The following EFCAB13 variants were observed in gnomAD, a reference collection of about 807,000 sequenced individuals.
EFCAB13 encodes EF-hand calcium binding domain 13.
EFCAB13 carries 91 observed loss-of-function variants against 110.2 expected under a neutral mutation model. The observed-to-expected ratio is 0.83, with a 90% CI of 0.70 to 0.98. EFCAB13 has a LOEUF of 0.98. Among genes scored for constraint, EFCAB13 ranks in the 50% least tolerant of loss-of-function variants. The probability of loss-of-function intolerance (pLI) is 0.00; values close to 1 mark genes in which losing one functional copy is unlikely to be tolerated. For synonymous variants in EFCAB13, 323 were observed against 369.9 expected (o/e 0.87, Z 1.45); for missense variants, 968 against 1,119.4 (o/e 0.86, Z 1.93).
At chr17:47,407,593 A>G (rs989407268) in intron 20 of EFCAB13, among the ~76,000 whole-genome samples, 2 of 152,204 alleles carry the variant, frequency 1.3e-5, no homozygotes, top group African/African-American at 4.8e-5. Flanking sequence ...GACAAAGACA[A>G]AAATCCAGAT....
intron 17 of EFCAB13, among the ~76,000 whole-genome samples, chr17:47,398,299 C>T (rs1413759368): frequency 6.1e-5 from 9 of 148,576 alleles, no homozygotes; most frequent in South Asian, 2.2e-4. Context: ...CGCCTCTGCC[C>T]GGCCGCCCCT....
chr17:47,344,606 A>G (rs2065405110), intron 7 of EFCAB13, among the ~76,000 whole-genome samples: 1 of 152,140 alleles, frequency 6.6e-6, no homozygotes, highest in African/African-American at 2.4e-5. Context: ...TCAGCAATTT[A>G]CATGTTATAG....
chr17:47,326,106 C>T (rs1409671705), intron 2 of EFCAB13, 120 bp from the exon 3 acceptor site: 3 of 151,682 alleles, frequency 2.0e-5, no homozygotes, highest in East Asian at 1.9e-4. Context: ...CGACTCCCTC[C>T]ATTTCTCTTG....
At chr17:47,396,100 C>A in intron 17 of EFCAB13, 123 bp downstream of exon 17, 1 of 701,844 alleles carries the variant, frequency 1.4e-6, no homozygotes, top group Non-Finnish European at 2.2e-6. Flanking sequence ...GAAATGCCAA[C>A]ATATGCATTT....
At chr17:47,422,491 C>T (rs533732510) in intron 23 of EFCAB13, among the ~76,000 whole-genome samples, 16 of 152,220 alleles carry the variant, frequency 1.1e-4, no homozygotes, top group African/African-American at 3.8e-4. Flanking sequence ...AAATATGAAT[C>T]TATACACTGG....
At chr17:47,397,986 C>A (rs1434439492) in intron 17 of EFCAB13, among the ~76,000 whole-genome samples, 11 of 147,432 alleles carry the variant, frequency 7.5e-5, no homozygotes, top group African/African-American at 2.8e-4. Flanking sequence ...GCCCCCCGCC[C>A]GGCCAGCCGC....
chr17:47,339,850 T>TA (rs1301259533), intron 5 of EFCAB13: 1 of 152,136 alleles, frequency 6.6e-6, no homozygotes, highest in Admixed American at 6.5e-5. Context: ...CATTTCTTAT[T>TA]AAAAGGCTGT....
intron 8 of EFCAB13, among the ~76,000 whole-genome samples, chr17:47,346,332 A>G (rs2065415511): frequency 6.6e-6 from 1 of 151,936 alleles, no homozygotes; most frequent in Non-Finnish European, 1.5e-5. Context: ...TATTTCACTT[A>G]GCATAATGTC....
intron 17 of EFCAB13, among the ~76,000 whole-genome samples, chr17:47,400,166 C>G (rs936706104): frequency 2.6e-5 from 4 of 152,164 alleles, no homozygotes; most frequent in African/African-American, 9.7e-5. Context: ...ACTTTGTTTT[C>G]TTTTCGGCTT....
At chr17:47,382,340 C>T (rs893999049) in intron 14 of EFCAB13, among the ~76,000 whole-genome samples, 3 of 152,144 alleles carry the variant, frequency 2.0e-5, no homozygotes, top group South Asian at 2.1e-4. Flanking sequence ...TATGTGAATA[C>T]GCTTTATTTC....
At chr17:47,382,200 T>A (rs1309238164) in intron 14 of EFCAB13, among the ~76,000 whole-genome samples, 1 of 152,208 alleles carries the variant, frequency 6.6e-6, no homozygotes, top group East Asian at 1.9e-4. Context: ...TTTTGCACAT[T>A]GATTTTGTAT....
chr17:47,404,698 TA>T, intron 20 of EFCAB13, 65 bp downstream of exon 20: 3 of 1,255,270 alleles, frequency 2.4e-6, no homozygotes, highest in South Asian at 1.3e-5. Flanking sequence ...GTTCACCTAG[TA>T]AAACCCTAAA....
Position 47,347,798 on chromosome 17 carries a change from G to T in EFCAB13, c.518-10G>T, listed in dbSNP as rs754342070. On this transcript the variant is annotated splice_polypyrimidine_tract_variant and intron_variant, in intron 8 of 24. Transcript: ENST00000331493. ...ATTAACTAACTAAATGTTTTGTTAT[G>T]TGTGTGCAGCACTTCATAAAGCCTG... The T allele has an allele frequency of 5.6e-6, 8 of 1,421,728 alleles. No homozygotes were observed. Among genetic ancestry groups the T allele is most frequent in the Non-Finnish European group, 6.5e-6 (7 of 1,071,254 alleles). 88.1% of individuals were successfully genotyped at this position (1,421,728 alleles called of 1,614,324 possible).
intron 24 of EFCAB13, among the ~76,000 whole-genome samples, chr17:47,435,377 G>A (rs756417896): frequency 3.9e-5 from 6 of 151,900 alleles, no homozygotes; most frequent in South Asian, 2.1e-4. Context: ...AATTGATGTC[G>A]GCATGGATGT....
Position 47,395,837 on chromosome 17 carries a change from T to G in EFCAB13, c.1805T>G (p.Leu602Trp). ...NTECFSEKLV[L>W]PDAIETLDDL... ...TTGTGTTTTATCTACCCTTTAGTATTGCCTGATGCTATTGAAACCCTCGAC... is the reference window on the plus strand; with the variant it reads ...TTGTGTTTTATCTACCCTTTAGTATGGCCTGATGCTATTGAAACCCTCGAC... Residue 602 changes from leucine to tryptophan, a missense_variant, in exon 17 of 25, where the codon TTG (leucine) becomes TGG (tryptophan). By Grantham distance (61) the Leu-to-Trp change is moderately conservative. Transcript: ENST00000331493. The G allele has an allele frequency of 5.6e-6, 9 of 1,603,084 alleles. No homozygotes were observed. The highest frequency in any genetic ancestry group is 7.7e-6 in the Non-Finnish European group (9 of 1,173,524).
intron 10 of EFCAB13, among the ~76,000 whole-genome samples, chr17:47,368,044 A>T (rs2065558605): frequency 1.3e-5 from 2 of 152,216 alleles, no homozygotes; most frequent in African/African-American, 4.8e-5. Flanking sequence ...TAGCTGAAAA[A>T]TATTATGGCA....
Position 47,429,907 on chromosome 17 carries a change from C to G in EFCAB13, c.2584C>G (p.Leu862Val), listed in dbSNP as rs577933451. Residue 862 changes from leucine to valine, a missense_variant, in exon 24 of 25, where the codon CTT (leucine) becomes GTT (valine). Physicochemically the swap from Leu to Val is conservative, Grantham distance 32. Transcript: ENST00000331493. ...DLKTLLMDKD[L>V]HTANAILTVM... Reference sequence around the variant, plus strand: ...CAAGACATTATTGATGGACAAGGACCTTCATACAGCTAATGCTATACTTAC... The same window carrying G: ...CAAGACATTATTGATGGACAAGGACGTTCATACAGCTAATGCTATACTTAC... 153 of 1,612,782 alleles carry G rather than the reference C, an allele frequency of 9.5e-5. No homozygotes were observed. In the South Asian group the frequency reaches 1.0e-3, roughly 11 times the overall value.
intron 23 of EFCAB13, among the ~76,000 whole-genome samples, chr17:47,424,182 G>A (rs1426847396): frequency 6.6e-6 from 1 of 152,188 alleles, no homozygotes; most frequent in Non-Finnish European, 1.5e-5. Flanking sequence ...CGGAGGAGCC[G>A]GCGCCAGCGT....
intron 11 of EFCAB13, among the ~76,000 whole-genome samples, chr17:47,373,547 G>C (rs1757306736): frequency 6.6e-6 from 1 of 151,994 alleles, no homozygotes; most frequent in Non-Finnish European, 1.5e-5. Flanking sequence ...TGAAGGACTG[G>C]GAAAGCCCTT....
Sources: allele counts gnomAD v4.1 joint callset (sites outside exome capture counted in the v4.1 genomes callset), GRCh38; gene constraint gnomAD v4.1.1; transcripts MANE v1.5; gene names NCBI Gene and HGNC (gene_info 2026-07-23, HGNC 2026-07-21).